Variants in TRHDE observed in about 807,000 individuals in gnomAD.
The protein encoded by TRHDE is thyrotropin-releasing hormone-degrading ectoenzyme.
In TRHDE, 72 loss-of-function variants were observed where a neutral mutation model predicts 125.7. That is an observed-to-expected ratio of 0.57 (90% CI 0.47 to 0.70). The LOEUF is 0.70. Ranked by LOEUF, TRHDE falls within the 30% of genes least tolerant of loss-of-function variation. The pLI, the probability that TRHDE is intolerant of heterozygous loss-of-function variation, is 0.00. For synonymous variants in TRHDE, 509 were observed against 509.1 expected (o/e 1.00, Z 0.00); for missense variants, 1,110 against 1,327.1 (o/e 0.84, Z 2.54).
chr12:72,201,812 T>C (rs1454757458), intron 2 of TRHDE, among the ~76,000 whole-genome samples: 2 of 152,204 alleles, frequency 1.3e-5, no homozygotes, highest in African/African-American at 2.4e-5. Flanking sequence ...TTTTCAAATA[T>C]TGACAACTGG....
At chr12:72,292,107 A>G (rs769045402) in intron 2 of TRHDE, among the ~76,000 whole-genome samples, 2 of 152,254 alleles carry the variant, frequency 1.3e-5, no homozygotes, top group African/African-American at 2.4e-5. Flanking sequence ...TTTGTGGAAT[A>G]AAAATTCTTA....
At chr12:72,393,776 T>G (rs1294046441) in intron 3 of TRHDE, among the ~76,000 whole-genome samples, 3 of 152,186 alleles carry the variant, frequency 2.0e-5, no homozygotes, top group Non-Finnish European at 4.4e-5. Context: ...AGAATAAATC[T>G]TAGAATGTTG....
chr12:72,604,135 A>G (rs1592566999), intron 12 of TRHDE, among the ~76,000 whole-genome samples: 1 of 152,350 alleles, frequency 6.6e-6, no homozygotes, highest in Non-Finnish European at 1.5e-5. Context: ...AAGTCCAGAG[A>G]GGATAAAAAA....
chr12:72,231,012 T>A (rs889041972), intron 2 of TRHDE, among the ~76,000 whole-genome samples: 17 of 152,294 alleles, frequency 1.1e-4, no homozygotes, highest in African/African-American at 4.1e-4. Flanking sequence ...AAAAATGATG[T>A]TGTCATTTTG....
At chr12:72,499,020 A>G (rs1241173692) in intron 5 of TRHDE, among the ~76,000 whole-genome samples, 1 of 151,014 alleles carries the variant, frequency 6.6e-6, no homozygotes, top group Non-Finnish European at 1.5e-5. Context: ...AGGGGACAGG[A>G]AGGGAGGGAA....
At chr12:72,138,411 C>A (rs949526263) in intron 2 of TRHDE, among the ~76,000 whole-genome samples, 1 of 152,024 alleles carries the variant, frequency 6.6e-6, no homozygotes, top group Non-Finnish European at 1.5e-5. Context: ...CAAAACAAAA[C>A]AAAGCAACAA....
At chr12:72,469,071 A>T (rs767463174) in intron 3 of TRHDE, among the ~76,000 whole-genome samples, 2 of 152,138 alleles carry the variant, frequency 1.3e-5, no homozygotes, top group East Asian at 3.9e-4. Context: ...CATTTTAGAG[A>T]TAATTAAGGC....
chr12:72,522,728 T>C (rs1868269792), intron 6 of TRHDE, among the ~76,000 whole-genome samples: 2 of 152,216 alleles, frequency 1.3e-5, no homozygotes, highest in Admixed American at 1.3e-4. Context: ...TCTAAATTAC[T>C]TTCCTCAAGC....
At chr12:72,387,062 A>G (rs1872451396) in intron 3 of TRHDE, among the ~76,000 whole-genome samples, 1 of 152,120 alleles carries the variant, frequency 6.6e-6, no homozygotes, top group Admixed American at 6.5e-5. Context: ...TAAACACCAT[A>G]TGCTGATACT....
At chr12:72,341,209 G>T (rs756579663) in intron 2 of TRHDE, among the ~76,000 whole-genome samples, 1 of 150,914 alleles carries the variant, frequency 6.6e-6, no homozygotes, top group Non-Finnish European at 1.5e-5. Flanking sequence ...AGGTATACAC[G>T]TGCCATGTTG....
At chr12:72,223,670 C>G (rs1303686822) in intron 2 of TRHDE, among the ~76,000 whole-genome samples, 4 of 152,038 alleles carry the variant, frequency 2.6e-5, no homozygotes, top group Admixed American at 2.6e-4. Flanking sequence ...AATATAAACT[C>G]AGTTGTATAT....
At chr12:72,272,052 G>A (rs766433415), upstream of TRHDE, 1 of 457,440 alleles carries the variant, frequency 2.2e-6, no homozygotes, top group South Asian at 1.5e-5. The surrounding 1 kb of genome is among the most constrained non-coding windows in gnomAD (Gnocchi z 6.7). Flanking sequence ...CTCCCACCTC[G>A]GCCATCCTTT....
chr12:72,442,477 A>G (rs1875062152), intron 3 of TRHDE, among the ~76,000 whole-genome samples: 1 of 151,888 alleles, frequency 6.6e-6, no homozygotes. Context: ...GCCAAATCCA[A>G]TAAACACTTT....
intron 2 of TRHDE, among the ~76,000 whole-genome samples, chr12:72,112,846 C>G (rs1875352211): frequency 6.6e-6 from 1 of 152,136 alleles, no homozygotes; most frequent in African/African-American, 2.4e-5. Context: ...AATTTTTAGC[C>G]ATGTGATCGT....
chr12:72,636,737 C>A (rs547099412), intron 15 of TRHDE, among the ~76,000 whole-genome samples: 1 of 152,244 alleles, frequency 6.6e-6, no homozygotes, highest in South Asian at 2.1e-4. Flanking sequence ...TTGTCAAAGG[C>A]CTTTTCTGCA....
chr12:72,575,630 T>A, intron 12 of TRHDE, 88 bp downstream of exon 12: 1 of 1,215,472 alleles, frequency 8.2e-7, no homozygotes, highest in Non-Finnish European at 1.2e-6. Context: ...TGTCTTTTAT[T>A]TAGGACATTT....
At chr12:72,096,504 G>A (rs142998957) in intron 1 of TRHDE, among the ~76,000 whole-genome samples, 415 of 152,246 alleles carry the variant, frequency 2.7e-3, no homozygotes, top group African/African-American at 9.8e-3. Flanking sequence ...ACCTATTGAA[G>A]GCTAAGATCA....
chr12:72,527,093 A>G (rs1565778817), intron 6 of TRHDE, among the ~76,000 whole-genome samples: 1 of 152,242 alleles, frequency 6.6e-6, no homozygotes, highest in East Asian at 1.9e-4. Context: ...ATTTTTTCCT[A>G]TCATTTCTTA....
chr12:72,119,526 A>G (rs1324657496), intron 2 of TRHDE, among the ~76,000 whole-genome samples: 1 of 152,192 alleles, frequency 6.6e-6, no homozygotes. Context: ...GTTGGATGAT[A>G]TGTTTTGTAA....
Sources: allele counts gnomAD v4.1 joint callset (sites outside exome capture counted in the v4.1 genomes callset), GRCh38; gene constraint gnomAD v4.1.1; non-coding constraint Gnocchi (gnomAD v3.1); transcripts MANE v1.5; gene names NCBI Gene and HGNC (gene_info 2026-07-23, HGNC 2026-07-21).